TPO: variants seen among roughly 807,000 people sequenced by gnomAD.
TPO encodes thyroid microsomal antigen.
In TPO, 78 loss-of-function variants were observed where a neutral mutation model predicts 96.9. The observed-to-expected ratio is 0.81, with a 90% CI of 0.67 to 0.97. TPO has a LOEUF of 0.97. TPO is among the 50% of genes least tolerant of loss of function. TPO has a pLI of 0.00. For synonymous variants in TPO, 547 were observed against 538.0 expected, an observed-to-expected ratio of 1.02 and a Z score of -0.23; for missense variants, 1,252 against 1,274.8, an observed-to-expected ratio of 0.98 and a Z score of 0.27.
chr2:1,405,872 A>G (rs1481852256), intron 1 of TPO, among the ~76,000 whole-genome samples: 2 of 152,364 alleles, frequency 1.3e-5, no homozygotes, highest in East Asian at 1.9e-4. Context: ...AATAGAAGCA[A>G]TATCCACTGG....
At position 1,540,670 on chromosome 2, in the gene TPO, C is replaced by T. The variant is rs1247757372; in HGVS notation, c.2695C>T (p.His899Tyr). 6.2e-7 allele frequency: 1 copy of T among 1,613,374 alleles called. No individual in the cohort carries two copies. Among genetic ancestry groups the T allele is most frequent in the Non-Finnish European group, 8.5e-7 (1 of 1,180,050 alleles). ...AACTCCCGAGCTGAGATGCGGAAAG[C>T]ACCAGGCCGTAGGGACCTCACCGCA... The part of the protein sequence containing the change: ...GGTPELRCGK[H>Y]QAVGTSPQRA... The change falls in exon 16 of 17, where the codon CAC becomes TAC. Residue 899 changes from histidine (H) to tyrosine (Y), a missense_variant. By Grantham distance (83) the His-to-Tyr change is moderately conservative (BLOSUM62 2). Coordinates refer to ENST00000329066, the MANE Select transcript of TPO (RefSeq NM_001206744.2).
At position 1,490,033 on chromosome 2, in the gene TPO, G is replaced by A. The variant is rs996581103; in HGVS notation, c.1768+2042G>A. ...AGCCGCCACGAGGGTCCCACACAGG[G>A]GGAGTCGCGACACAGCAGTGTAAGA... is the stretch of plus-strand genomic sequence containing the variant. On this transcript the variant is annotated intron_variant, in intron 10 of 16. Coordinates refer to ENST00000329066, the MANE Select transcript of TPO (RefSeq NM_001206744.2). Among the ~76,000 whole-genome samples, 118 of 79,156 alleles carry A rather than the reference G, an allele frequency of 1.5e-3. 1 individual carries two copies. Among genetic ancestry groups the A allele is most frequent in the African/African-American group, 2.3e-3 (35 of 15,358 alleles). The allele number at this position is 79,156 out of a possible 152,430, so 51.9% of individuals were successfully genotyped here.
At chr2:1,436,069 G>T (rs950584167) in intron 4 of TPO, among the ~76,000 whole-genome samples, 183 bp from the exon 5 acceptor site, 1 of 152,176 alleles carries the variant, frequency 6.6e-6, no homozygotes, top group African/African-American at 2.4e-5. Context: ...GGAAGCTCAA[G>T]GGAATTAAAT....
At chr2:1,445,789 A>T (rs10194736) in intron 5 of TPO, among the ~76,000 whole-genome samples, 260 of 11,576 alleles carry the variant, frequency 0.022, 26 homozygotes, top group South Asian at 0.037. Flanking sequence ...GTTTGTATGA[A>T]CCACTCATTG....
At chr2:1,458,001 TG>T (rs1425627893) in intron 7 of TPO, among the ~76,000 whole-genome samples, 1 of 151,648 alleles carries the variant, frequency 6.6e-6, no homozygotes, top group Non-Finnish European at 1.5e-5. Context: ...CGTGTGTATA[TG>T]GCATATAAGA....
intron 5 of TPO, among the ~76,000 whole-genome samples, chr2:1,446,435 G>A (rs1666829181): frequency 6.6e-6 from 1 of 152,188 alleles, no homozygotes; most frequent in Admixed American, 6.5e-5. Context: ...GGAGCAAAGT[G>A]TAAGAGCCCC....
chr2:1,407,576 T>G (rs1662266167), intron 1 of TPO, among the ~76,000 whole-genome samples: 1 of 152,206 alleles, frequency 6.6e-6, no homozygotes, highest in Non-Finnish European at 1.5e-5. Context: ...CTTAGCAGGT[T>G]GTTAGGTGAT....
chr2:1,477,820 G>T, intron 8 of TPO: 1 of 985,458 alleles, frequency 1.0e-6, no homozygotes, highest in Non-Finnish European at 1.2e-6. Context: ...GAGCTCCTGT[G>T]CAGGGGCCGA....
At chr2:1,483,905 T>A (rs1453892085) in intron 8 of TPO, among the ~76,000 whole-genome samples, 1 of 152,228 alleles carries the variant, frequency 6.6e-6, no homozygotes, top group Non-Finnish European at 1.5e-5. Flanking sequence ...TGGTTATTTT[T>A]AAACAATCCA....
intron 1 of TPO, among the ~76,000 whole-genome samples, chr2:1,406,700 T>C (rs1662255069): frequency 6.6e-6 from 1 of 152,258 alleles, no homozygotes; most frequent in Non-Finnish European, 1.5e-5. Flanking sequence ...ATATTACCCC[T>C]AGAAACTCCT....
intron 15 of TPO, among the ~76,000 whole-genome samples, chr2:1,529,049 CT>C (rs1174183874): frequency 7.0e-6 from 1 of 142,624 alleles, no homozygotes; most frequent in Non-Finnish European, 1.5e-5. Flanking sequence ...CTCCCCAAAT[CT>C]CCCCAGTGTG....
At chr2:1,402,349 G>A (rs1662185609) in intron 1 of TPO, among the ~76,000 whole-genome samples, 1 of 152,176 alleles carries the variant, frequency 6.6e-6, no homozygotes. Flanking sequence ...TGCTGGTAAT[G>A]CCTGGCCCCG....
intron 10 of TPO, among the ~76,000 whole-genome samples, chr2:1,490,003 G>A (rs1259384243): frequency 9.0e-6 from 1 of 111,580 alleles, no homozygotes; most frequent in Non-Finnish European, 1.9e-5. Flanking sequence ...ACACAGCAGT[G>A]TAAGAGCCGC....
In TPO at chr2:1,477,349, C is replaced by T. The variant is rs1670058590; in HGVS notation, c.1083C>T (p.Arg361=). The change falls in exon 8 of 17, where the codon CGC becomes CGT. Residue 361 remains arginine (R), a synonymous_variant. Transcript: ENST00000329066. ...ACGCGCGCCTCCGGGACTCCGGCCG[C>T]GCCTACCTGCCCTTCGTGCCGCCAC... ...RVHARLRDSG[R]AYLPFVPPRA... 3.9e-6 allele frequency: 6 copies of T among 1,547,842 alleles called. No individual in the cohort carries two copies. Among genetic ancestry groups the T allele is most frequent in the Non-Finnish European group, 5.2e-6 (6 of 1,144,968 alleles).
At chr2:1,474,360 C>T (rs1181973376) in intron 7 of TPO, among the ~76,000 whole-genome samples, 1 of 152,106 alleles carries the variant, frequency 6.6e-6, no homozygotes, top group Non-Finnish European at 1.5e-5. Context: ...ATTTGCTGCC[C>T]TATCTTTTAT....
intron 15 of TPO, among the ~76,000 whole-genome samples, chr2:1,519,826 A>T (rs2125089100): frequency 6.6e-6 from 1 of 152,294 alleles, no homozygotes; most frequent in East Asian, 1.9e-4. Context: ...TATCATTATA[A>T]TAAATATTAG....
chr2:1,400,258 C>T (rs1193989325), intron 1 of TPO, among the ~76,000 whole-genome samples: 3 of 152,050 alleles, frequency 2.0e-5, no homozygotes, highest in Admixed American at 6.6e-5. Context: ...TTTGGGAGGC[C>T]GAAGCAGGTG....
intron 14 of TPO, chr2:1,513,616 A>G (rs527317564): frequency 6.6e-6 from 1 of 152,352 alleles, no homozygotes; most frequent in African/African-American, 2.4e-5. Flanking sequence ...TATGTATAGA[A>G]ATAGTTATAG....
At chr2:1,524,710 CCACATTCCCCCCAGTGTGTGCAACCTTTA>C in intron 15 of TPO, among the ~76,000 whole-genome samples, 1 of 131,220 alleles carries the variant, frequency 7.6e-6, no homozygotes, top group Non-Finnish European at 1.7e-5. Context: ...TGCAAACTCC[CCACATTCCCCCCAGTGTGTGCAACCTTTA>C]CAACTCTACT....
Sources: allele counts gnomAD v4.1 joint callset (sites outside exome capture counted in the v4.1 genomes callset), GRCh38; gene constraint gnomAD v4.1.1; transcripts MANE v1.5; gene names NCBI Gene and HGNC (gene_info 2026-07-23, HGNC 2026-07-21).